ELOVL5: variants seen among roughly 807,000 people sequenced by gnomAD.
ELOVL5 encodes ELOVL fatty acid elongase 5.
In ELOVL5, 8 loss-of-function variants were observed where a neutral mutation model predicts 38.6. The ratio of observed to expected loss-of-function variants is 0.21; its 90% CI spans 0.12 to 0.37. The LOEUF (loss-of-function observed/expected upper bound fraction) is 0.37, where lower values mean the gene tolerates loss of function less well. ELOVL5 is among the 10% of genes least tolerant of loss of function. ELOVL5 has a pLI of 1.00. For missense variants in ELOVL5, 280 were observed against 367.8 expected (o/e 0.76, Z 1.95); for synonymous variants, 127 against 133.7 (o/e 0.95, Z 0.34).
intron 1 of ELOVL5, among the ~76,000 whole-genome samples, chr6:53,322,567 T>C (rs1362014042): frequency 1.3e-5 from 2 of 152,222 alleles, no homozygotes. Flanking sequence ...TCCTCTTGCC[T>C]GCACTTTTCG....
intron 4 of ELOVL5, 92 bp from the exon 5 acceptor site, chr6:53,275,353 A>AGTTGACATCAGATTTT: frequency 7.3e-7 from 1 of 1,376,558 alleles, no homozygotes; most frequent in Non-Finnish European, 1.0e-6. Context: ...CAAAAATCTG[A>AGTTGACATCAGATTTT]TGTCAACTCG....
At chr6:53,292,253 T>C (rs1298077258) in intron 2 of ELOVL5, among the ~76,000 whole-genome samples, 1 of 152,192 alleles carries the variant, frequency 6.6e-6, no homozygotes, top group African/African-American at 2.4e-5. Context: ...AAGGCTACAC[T>C]TCCCATTAAT....
rs1349332732 is a variant in ELOVL5, at chr6:53,311,006, C to T, written c.-8-15299G>A. Among the ~76,000 whole-genome samples, 4 of 152,284 alleles carry T rather than the reference C, an allele frequency of 2.6e-5. No homozygotes were observed. In the South Asian group the frequency reaches 6.2e-4, roughly 24 times the overall value. On this transcript the variant is annotated intron_variant, in intron 1 of 7. Coordinates refer to ENST00000304434, the MANE Select transcript of ELOVL5 (RefSeq NM_021814.5). The stretch of plus-strand genomic sequence containing the variant: ...CCAAAATAGCAACTGAGTCCACAAA[C>T]GACACTGGTAACTCCCCTCTGTACC...
intron 3 of ELOVL5, among the ~76,000 whole-genome samples, chr6:53,282,730 G>A (rs995806724): frequency 6.6e-6 from 1 of 152,222 alleles, no homozygotes; most frequent in Admixed American, 6.5e-5. Context: ...AAAAAGAACA[G>A]CAAATAGCCT....
At chr6:53,294,331 G>A in intron 2 of ELOVL5, 1 of 1,576,734 alleles carries the variant, frequency 6.3e-7, no homozygotes, top group Non-Finnish European at 8.6e-7. Flanking sequence ...TTTGAGGGAT[G>A]ACAGCTGGCA....
intron 1 of ELOVL5, among the ~76,000 whole-genome samples, chr6:53,313,034 A>G (rs1767905499): frequency 6.6e-6 from 1 of 152,218 alleles, no homozygotes; most frequent in Non-Finnish European, 1.5e-5. Context: ...TACTGTTTTG[A>G]TCAACCCAAT....
chr6:53,336,002 T>C (rs562493045), intron 1 of ELOVL5, among the ~76,000 whole-genome samples: 1 of 152,218 alleles, frequency 6.6e-6, no homozygotes, highest in South Asian at 2.1e-4. Context: ...TCATAAGAGA[T>C]ACACACTTCT....
chr6:53,348,674 G>C (rs980739531), intron 1 of ELOVL5, 143 bp downstream of exon 1: 2 of 347,560 alleles, frequency 5.8e-6, no homozygotes, highest in Non-Finnish European at 1.1e-5. Flanking sequence ...GGCGGAGCGC[G>C]GGTTGCCCCG....
At chr6:53,331,011 C>T (rs747658385) in intron 1 of ELOVL5, among the ~76,000 whole-genome samples, 5 of 152,030 alleles carry the variant, frequency 3.3e-5, no homozygotes, top group Non-Finnish European at 7.4e-5. Flanking sequence ...TCACAATTAA[C>T]TTTATTTTTT....
chr6:53,317,834 T>TA (rs1768120060), intron 1 of ELOVL5, among the ~76,000 whole-genome samples: 2 of 127,906 alleles, frequency 1.6e-5, no homozygotes, highest in East Asian at 2.3e-4. Flanking sequence ...CAAAAAAAAA[T>TA]TAAAAAAAAT....
rs143142523 is a variant in ELOVL5, at chr6:53,341,967, C to T, written c.-9+6850G>A. Among the ~76,000 whole-genome samples, 600 of 152,260 alleles carry T rather than the reference C, an allele frequency of 3.9e-3. 8 individuals carry two copies. The highest frequency in any genetic ancestry group is 0.014 in the African/African-American group (566 of 41,552). ...AGAGTGACTTACCTGCTGAAGCCCA[C>T]GCAGCTGTTAAGTGGCAGAGGTGGA... On this transcript the variant is annotated intron_variant, in intron 1 of 7. Coordinates refer to ENST00000304434, the MANE Select transcript of ELOVL5 (RefSeq NM_021814.5).
At chr6:53,320,959 A>G (rs1006906694) in intron 1 of ELOVL5, among the ~76,000 whole-genome samples, 3 of 152,154 alleles carry the variant, frequency 2.0e-5, no homozygotes, top group African/African-American at 7.2e-5. Context: ...CAGAAGGATC[A>G]CCTCTCCTTA....
At chr6:53,289,089 T>C (rs927520367) in intron 3 of ELOVL5, among the ~76,000 whole-genome samples, 22 of 152,176 alleles carry the variant, frequency 1.4e-4, no homozygotes, top group African/African-American at 5.3e-4. Context: ...TCCTGTCTCC[T>C]TTAAGTGACA....
rs1444564641 is a variant in ELOVL5, at chr6:53,267,981, A to T, written c.*1146T>A. 3 of 152,248 alleles carry T rather than the reference A, an allele frequency of 2.0e-5. No homozygotes were observed. Among genetic ancestry groups the T allele is most frequent in the Non-Finnish European group, 2.9e-5 (2 of 68,046 alleles). 9.4% of individuals were successfully genotyped at this position (152,248 alleles called of 1,614,324 possible). On this transcript the variant is annotated 3_prime_UTR_variant, in exon 8 of 8. Coordinates refer to ENST00000304434, the MANE Select transcript of ELOVL5 (RefSeq NM_021814.5). ...AGATTCTAAGCAGAAAGAAATTACA[A>T]GTACTATTAGATTTACATTAAACAA...
chr6:53,331,959 C>G (rs1235670143), intron 1 of ELOVL5, among the ~76,000 whole-genome samples: 2 of 152,016 alleles, frequency 1.3e-5, no homozygotes, highest in East Asian at 3.9e-4. Context: ...GAAGGGGGAC[C>G]AAGAGTGTCA....
chr6:53,334,083 A>T (rs1768931892), intron 1 of ELOVL5, among the ~76,000 whole-genome samples: 1 of 152,228 alleles, frequency 6.6e-6, no homozygotes, highest in Admixed American at 6.5e-5. Flanking sequence ...TTAATTGTGA[A>T]GGACAAAAAA....
At chr6:53,280,948 T>C (rs1388291942) in intron 3 of ELOVL5, among the ~76,000 whole-genome samples, 1 of 152,170 alleles carries the variant, frequency 6.6e-6, no homozygotes, top group Non-Finnish European at 1.5e-5. Flanking sequence ...ATAACACATT[T>C]AACCACAAAC....
chr6:53,348,008 C>A (rs539126899), intron 1 of ELOVL5, among the ~76,000 whole-genome samples: 2 of 138,860 alleles, frequency 1.4e-5, no homozygotes, highest in Non-Finnish European at 3.2e-5. Flanking sequence ...GCTCCCCCGG[C>A]GCAGAGCACA....
At chr6:53,287,684 T>C (rs1034890815) in intron 3 of ELOVL5, among the ~76,000 whole-genome samples, 1 of 152,184 alleles carries the variant, frequency 6.6e-6, no homozygotes, top group Non-Finnish European at 1.5e-5. Context: ...GTGGGAGTTT[T>C]AAGGGGTAGA....
Sources: gnomAD v4.1 joint callset for allele counts (sites outside exome capture counted in the v4.1 genomes callset) on GRCh38, gnomAD v4.1.1 for gene constraint, MANE v1.5 for transcripts, NCBI Gene and HGNC (gene_info 2026-07-23, HGNC 2026-07-21) for gene names.